The following FMNL2 variants were observed in gnomAD, a reference collection of about 807,000 sequenced individuals.
FMNL2 encodes the protein formin like 2.
A neutral mutation model predicts 130.2 loss-of-function variants in FMNL2; 51 were observed. The observed-to-expected ratio is 0.39, with a 90% confidence interval of 0.31 to 0.49. FMNL2 has a LOEUF of 0.49. Ranked by LOEUF, FMNL2 falls within the 20% of genes least tolerant of loss-of-function variation. FMNL2 has a pLI of 0.85. For synonymous variants in FMNL2, 465 were observed against 467.1 expected (o/e 1.00, Z 0.06); for missense variants, 977 against 1,316.2 (o/e 0.74, Z 3.99).
chr2:152,601,667 C>T (rs796632108), intron 9 of FMNL2, among the ~76,000 whole-genome samples: 1 of 132,232 alleles, frequency 7.6e-6, no homozygotes, highest in Non-Finnish European at 1.5e-5. Context: ...CTTTTCTTTT[C>T]TTTCTTTTTT....
chr2:152,568,665 A>G (rs903503379), intron 6 of FMNL2, among the ~76,000 whole-genome samples: 6 of 152,212 alleles, frequency 3.9e-5, no homozygotes, highest in African/African-American at 1.4e-4. Context: ...AAGGGGAAAC[A>G]AACATGTCCT....
chr2:152,590,735 T>C (rs1199395358), intron 9 of FMNL2, among the ~76,000 whole-genome samples: 1 of 151,936 alleles, frequency 6.6e-6, no homozygotes, highest in Non-Finnish European at 1.5e-5. Flanking sequence ...TGTATCAGTG[T>C]GTATGCATGT....
chr2:152,511,530 A>G (rs1215498872), intron 1 of FMNL2, among the ~76,000 whole-genome samples: 1 of 152,234 alleles, frequency 6.6e-6, no homozygotes, highest in East Asian at 1.9e-4. Flanking sequence ...AGACAAAAGC[A>G]TAATCTTTCT....
chr2:152,400,247 C>T (rs553326708), intron 1 of FMNL2, among the ~76,000 whole-genome samples: 11 of 152,222 alleles, frequency 7.2e-5, no homozygotes, highest in African/African-American at 2.4e-4. Flanking sequence ...GCCTGGCCAA[C>T]ATGGCGAAAC....
At chr2:152,545,342 T>G (rs753053662) in intron 3 of FMNL2, among the ~76,000 whole-genome samples, 1 of 152,224 alleles carries the variant, frequency 6.6e-6, no homozygotes, top group Non-Finnish European at 1.5e-5. Context: ...TTCCTTTAAC[T>G]GTGTCTGGAG....
chr2:152,565,377 C>T (rs1339287828), intron 6 of FMNL2, among the ~76,000 whole-genome samples: 1 of 152,066 alleles, frequency 6.6e-6, no homozygotes, highest in Non-Finnish European at 1.5e-5. Flanking sequence ...ATGAGTTGAG[C>T]ACAGCCCTAT....
At chr2:152,357,998 C>T (rs1394393992) in intron 1 of FMNL2, among the ~76,000 whole-genome samples, 2 of 152,082 alleles carry the variant, frequency 1.3e-5, no homozygotes, top group Non-Finnish European at 2.9e-5. Context: ...GCAGATCCAC[C>T]CTCAATCTGG....
At chr2:152,453,693 G>T (rs1301379212) in intron 1 of FMNL2, among the ~76,000 whole-genome samples, 1 of 152,194 alleles carries the variant, frequency 6.6e-6, no homozygotes. Flanking sequence ...ATCTGTTAAG[G>T]TTATTGACTA....
chr2:152,392,652 G>T (rs180836995), intron 1 of FMNL2, among the ~76,000 whole-genome samples: 29 of 152,264 alleles, frequency 1.9e-4, no homozygotes, highest in Admixed American at 1.2e-3. Context: ...CATCGAGAGG[G>T]AGAAGCCATC....
chr2:152,484,848 A>C (rs758348117), intron 1 of FMNL2, among the ~76,000 whole-genome samples: 2 of 152,204 alleles, frequency 1.3e-5, no homozygotes, highest in Non-Finnish European at 2.9e-5. Flanking sequence ...TTTGCGAAAG[A>C]ATAAAAGATG....
At chr2:152,646,168 A>AAC (rs1553495136) in intron 25 of FMNL2, among the ~76,000 whole-genome samples, 2 of 99,960 alleles carry the variant, frequency 2.0e-5, no homozygotes, top group Non-Finnish European at 2.8e-5. Context: ...AAAAAAAAAA[A>AAC]AACAAACAAA....
intron 1 of FMNL2, among the ~76,000 whole-genome samples, chr2:152,502,744 C>T (rs11904617): frequency 0.86 from 130,135 of 152,060 alleles, 56,185 homozygotes; most frequent in Admixed American, 0.92. Flanking sequence ...TTTCATTGTG[C>T]GGAGAGTGGG....
intron 1 of FMNL2, among the ~76,000 whole-genome samples, chr2:152,348,004 TC>T (rs1682228253): frequency 6.6e-6 from 1 of 152,204 alleles, no homozygotes; most frequent in South Asian, 2.1e-4. Flanking sequence ...CGTATTTTTT[TC>T]CCCCGGTGAT....
chr2:152,546,511 TC>T (rs769055030), intron 3 of FMNL2, among the ~76,000 whole-genome samples: 6 of 151,922 alleles, frequency 3.9e-5, no homozygotes, highest in Non-Finnish European at 7.4e-5. Flanking sequence ...CCCAAATACC[TC>T]CCACTAGGCC....
intron 6 of FMNL2, among the ~76,000 whole-genome samples, chr2:152,566,001 G>A (rs1695815272): frequency 6.6e-6 from 1 of 152,062 alleles, no homozygotes; most frequent in Non-Finnish European, 1.5e-5. Flanking sequence ...GGCTGCTCTC[G>A]AACTCCTGGG....
intron 1 of FMNL2, chr2:152,390,779 G>A: frequency 1.7e-6 from 1 of 585,298 alleles, no homozygotes; most frequent in East Asian, 3.0e-5. Context: ...GGCATCAGGA[G>A]AAAGGCTGGG....
intron 3 of FMNL2, among the ~76,000 whole-genome samples, chr2:152,546,845 T>C (rs1694671482): frequency 6.6e-6 from 1 of 152,088 alleles, no homozygotes; most frequent in African/African-American, 2.4e-5. Flanking sequence ...TGCTCCATTC[T>C]ACTGACTCTC....
intron 1 of FMNL2, among the ~76,000 whole-genome samples, chr2:152,449,570 C>T (rs564174185): frequency 3.3e-4 from 50 of 152,154 alleles, no homozygotes; most frequent in African/African-American, 1.1e-3. Context: ...CTTTTAGCTT[C>T]CAGAGAGGAG....
intron 9 of FMNL2, among the ~76,000 whole-genome samples, chr2:152,596,112 G>A (rs999754707): frequency 1.4e-5 from 2 of 147,102 alleles, no homozygotes; most frequent in Non-Finnish European, 3.0e-5. Context: ...ATAGGCATGT[G>A]CCACAACGCC....
Sources: allele counts gnomAD v4.1 joint callset (sites outside exome capture counted in the v4.1 genomes callset), GRCh38; gene constraint gnomAD v4.1.1; transcripts MANE v1.5; gene names NCBI Gene and HGNC (gene_info 2026-07-23, HGNC 2026-07-21).